LAMB1: variants seen among roughly 807,000 people sequenced by gnomAD.
LAMB1 encodes the protein laminin subunit beta 1, also known as laminin subunit beta-1.
In LAMB1, 121 loss-of-function variants were observed where a neutral mutation model predicts 222.3. The ratio of observed to expected loss-of-function variants is 0.54; its 90% CI spans 0.47 to 0.63. The LOEUF (loss-of-function observed/expected upper bound fraction) is 0.63, where lower values mean the gene tolerates loss of function less well. Ranked by LOEUF, LAMB1 falls within the 30% of genes least tolerant of loss-of-function variation. The pLI is 0.00. For synonymous variants in LAMB1, 794 were observed against 807.2 expected, an observed-to-expected ratio of 0.98 and a Z score of 0.28; for missense variants, 2,172 against 2,240.8, an observed-to-expected ratio of 0.97 and a Z score of 0.62.
At position 107,978,169 on chromosome 7, in the gene LAMB1, T is replaced by C. The variant is rs1254235394; in HGVS notation, c.880-2A>G. ...CCTGCACATGCAGTGTCCGTGAACC[T>C]TGAAAGTTATAAAAACAGGAGAGAA... On this transcript the variant is annotated splice_acceptor_variant, in intron 8 of 33. Coordinates refer to ENST00000222399, the MANE Select transcript of LAMB1 (RefSeq NM_002291.3). LOFTEE classifies it high-confidence loss of function. 11 of 1,613,312 alleles carry C rather than the reference T, an allele frequency of 6.8e-6. No individual in the cohort carries two copies. The Admixed American group carries it at 1.7e-4, about 24-fold the overall frequency.
chr7:107,976,252 C>T (rs114965455), intron 9 of LAMB1, among the ~76,000 whole-genome samples: 252 of 152,232 alleles, frequency 1.7e-3, no homozygotes, highest in African/African-American at 5.8e-3. Flanking sequence ...AACACTGTAG[C>T]GAGGGACCTT....
chr7:107,955,900 T>TC, intron 20 of LAMB1, among the ~76,000 whole-genome samples: 1 of 151,778 alleles, frequency 6.6e-6, no homozygotes, highest in East Asian at 1.9e-4. Context: ...ACCTGGCTGT[T>TC]TTTTTGTTTG....
chr7:107,927,584 C>T (rs2032595533), intron 31 of LAMB1, among the ~76,000 whole-genome samples: 1 of 152,186 alleles, frequency 6.6e-6, no homozygotes, highest in Admixed American at 6.5e-5. Context: ...TCCCAAGTGG[C>T]TGGGACTACA....
At chr7:107,931,096 C>T (rs144335951) in intron 29 of LAMB1, among the ~76,000 whole-genome samples, 82 of 152,278 alleles carry the variant, frequency 5.4e-4, no homozygotes, top group Middle Eastern at 6.8e-3. Context: ...ACAAATTCCA[C>T]GTTCAATTTT....
At chr7:107,931,538 A>T (rs769370679) in intron 28 of LAMB1, 38 bp from the exon 29 acceptor site, 28 of 1,593,402 alleles carry the variant, frequency 1.8e-5, no homozygotes, top group Middle Eastern at 1.7e-4. Context: ...GAAGACTTTC[A>T]TTCTTTCTAA....
chr7:107,963,362 C>T (rs2150430283), intron 14 of LAMB1, among the ~76,000 whole-genome samples: 1 of 152,254 alleles, frequency 6.6e-6, no homozygotes, highest in African/African-American at 2.4e-5. Context: ...AAAAAGAGAA[C>T]ATCCCACATG....
chr7:108,000,079 G>A (rs1563012711), intron 3 of LAMB1: 7 of 151,894 alleles, frequency 4.6e-5, no homozygotes, highest in Admixed American at 3.3e-4. Context: ...GGCCTCTCAA[G>A]TAAGTGTTAG....
intron 24 of LAMB1, chr7:107,942,080 C>T (rs2033001782): frequency 6.6e-6 from 1 of 151,744 alleles, no homozygotes; most frequent in Admixed American, 6.6e-5. Context: ...CTGCAACCTC[C>T]ACTTCCCGGG....
Position 107,959,838 on chromosome 7 carries a change from T to G in LAMB1, c.2315-4A>C. On this transcript the variant is annotated splice_polypyrimidine_tract_variant and splice_region_variant and intron_variant, in intron 18 of 33. Coordinates refer to ENST00000222399, the MANE Select transcript of LAMB1 (RefSeq NM_002291.3). ...CCCTGAGGGTCGCATTCACAAGCTG[T>G]GGGTAAAGAGAGGCCAGAACCCATG... 6.2e-7 allele frequency: 1 copy of G among 1,611,852 alleles called. No individual in the cohort carries two copies. The highest frequency in any genetic ancestry group is 2.2e-5 in the East Asian group (1 of 44,840).
chr7:107,989,753 C>T (rs574951277), intron 5 of LAMB1, among the ~76,000 whole-genome samples: 1 of 152,252 alleles, frequency 6.6e-6, no homozygotes, highest in East Asian at 1.9e-4. Flanking sequence ...AAGGTCTAAT[C>T]GGACTTCTCT....
At chr7:107,939,962 A>G (rs1209121877) in intron 25 of LAMB1, 27 bp downstream of exon 25, 20 of 1,598,688 alleles carry the variant, frequency 1.3e-5, no homozygotes, top group Non-Finnish European at 1.6e-5. Context: ...CTTTATGAGT[A>G]ATTCCTCTGG....
chr7:107,924,206 AT>A (rs779181788), intron 33 of LAMB1, 23 bp downstream of exon 33: 3 of 1,577,742 alleles, frequency 1.9e-6, no homozygotes, highest in Non-Finnish European at 2.6e-6. Flanking sequence ...AATTTAAAAA[AT>A]AAGCCTGTGT....
intron 5 of LAMB1, among the ~76,000 whole-genome samples, chr7:107,993,830 A>G (rs1358390956): frequency 1.3e-5 from 2 of 152,182 alleles, no homozygotes; most frequent in Non-Finnish European, 2.9e-5. Context: ...TCTCAATACC[A>G]GGTGTCACAG....
intron 24 of LAMB1, among the ~76,000 whole-genome samples, chr7:107,949,425 A>G (rs1489398248): frequency 6.6e-6 from 1 of 152,234 alleles, no homozygotes; most frequent in East Asian, 1.9e-4. Flanking sequence ...CGATAGAGCC[A>G]TTATCTGGAA....
At chr7:107,999,571 T>G (rs2034344146) in intron 3 of LAMB1, among the ~76,000 whole-genome samples, 1 of 152,178 alleles carries the variant, frequency 6.6e-6, no homozygotes, top group African/African-American at 2.4e-5. Flanking sequence ...AGATGTACTG[T>G]CTAAAAAACA....
chr7:107,931,245 CT>C, intron 29 of LAMB1, 110 bp downstream of exon 29: 2 of 745,538 alleles, frequency 2.7e-6, no homozygotes, highest in Non-Finnish European at 4.2e-6. Flanking sequence ...GGACGTTTTT[CT>C]TATTTGGAAA....
intron 7 of LAMB1, among the ~76,000 whole-genome samples, chr7:107,985,021 G>C (rs1377241500): frequency 2.0e-5 from 3 of 152,040 alleles, no homozygotes; most frequent in African/African-American, 7.2e-5. Context: ...CACCTTATTT[G>C]AACAACTAGA....
chr7:107,996,331 G>C (rs181773592), intron 4 of LAMB1, among the ~76,000 whole-genome samples: 2 of 152,106 alleles, frequency 1.3e-5, no homozygotes, highest in African/African-American at 4.8e-5. Flanking sequence ...ACAGAGAAAA[G>C]AAACAAGGTC....
chr7:107,965,309 G>A (rs563280004), intron 13 of LAMB1, among the ~76,000 whole-genome samples: 6 of 152,336 alleles, frequency 3.9e-5, no homozygotes, highest in Admixed American at 3.9e-4. Context: ...GCTGGGCACG[G>A]TGGCTCACGC....
Sources: allele counts gnomAD v4.1 joint callset (sites outside exome capture counted in the v4.1 genomes callset), GRCh38; gene constraint gnomAD v4.1.1; transcripts MANE v1.5; gene names NCBI Gene and HGNC (gene_info 2026-07-23, HGNC 2026-07-21).